FSTL5: variants seen among roughly 807,000 people sequenced by gnomAD.
FSTL5 encodes follistatin-related protein 5.
In FSTL5, 62 loss-of-function variants were observed where a neutral mutation model predicts 89.1. The ratio of observed to expected loss-of-function variants is 0.70; its 90% CI spans 0.57 to 0.86. FSTL5 has a LOEUF of 0.86. Among genes scored for constraint, FSTL5 ranks in the 40% least tolerant of loss-of-function variants. FSTL5 has a pLI of 0.00. For missense variants in FSTL5, 1,057 were observed against 1,001.6 expected (o/e 1.06, Z -0.75); for synonymous variants, 383 against 346.2 (o/e 1.11, Z -1.18).
intron 3 of FSTL5, among the ~76,000 whole-genome samples, chr4:161,982,839 G>C (rs1235343717): frequency 6.6e-5 from 10 of 151,988 alleles, no homozygotes; most frequent in Non-Finnish European, 1.3e-4. Context: ...TTATTCTTTC[G>C]AAGTTAAGAT....
At chr4:161,690,456 T>A (rs1011804212) in intron 6 of FSTL5, among the ~76,000 whole-genome samples, 2 of 152,110 alleles carry the variant, frequency 1.3e-5, no homozygotes, top group African/African-American at 4.8e-5. Context: ...CATGTCTTCT[T>A]TGGGTAAATT....
chr4:161,925,724 T>C (rs1001018417), intron 3 of FSTL5, among the ~76,000 whole-genome samples: 1 of 151,850 alleles, frequency 6.6e-6, no homozygotes, highest in Non-Finnish European at 1.5e-5. Flanking sequence ...TATTACAGAT[T>C]TGGTACATAG....
At chr4:161,682,905 C>A (rs1443669074) in intron 6 of FSTL5, among the ~76,000 whole-genome samples, 1 of 152,050 alleles carries the variant, frequency 6.6e-6, no homozygotes, top group African/African-American at 2.4e-5. Context: ...CACCACCACA[C>A]CTAGCTAATT....
Position 162,154,053 on chromosome 4 carries a change from C to T in FSTL5, c.-17+9562G>A, listed in dbSNP as rs190350153. ...AACTCCTGATCTCGGGTGATCCACT[C>T]GCTTCGGCCTCCCAAAGTGCTGGGA... On this transcript the variant is annotated intron_variant, in intron 1 of 15. Transcript: ENST00000306100. Among the ~76,000 whole-genome samples the T allele has an allele frequency of 4.6e-5, 7 of 151,886 alleles. No homozygotes were observed. In the East Asian group the frequency reaches 9.7e-4, roughly 21 times the overall value.
Position 161,944,681 on chromosome 4 carries a change from G to A in FSTL5, c.161-24029C>T, listed in dbSNP as rs1245162814. ...CTCAATATCTTTATCACAGTAACAT[G>A]TATCATACATACATTTAAAGTAATT... On this transcript the variant is annotated intron_variant, in intron 3 of 15. Coordinates refer to ENST00000306100, the MANE Select transcript of FSTL5 (RefSeq NM_020116.5). Among the ~76,000 whole-genome samples, 2 of 151,566 alleles carry A rather than the reference G, an allele frequency of 1.3e-5. 1 individual carries two copies. Among genetic ancestry groups the A allele is most frequent in the Non-Finnish European group, 2.9e-5 (2 of 67,832 alleles).
At chr4:161,861,452 G>C (rs552195701) in intron 4 of FSTL5, among the ~76,000 whole-genome samples, 3 of 151,846 alleles carry the variant, frequency 2.0e-5, no homozygotes, top group South Asian at 2.1e-4. Context: ...AAGAAAGAAA[G>C]AGAAAGAAGG....
rs1730743489 is a variant in FSTL5, at chr4:162,096,159, C to G, written c.126+15112G>C. On this transcript the variant is annotated intron_variant, in intron 2 of 15. Transcript: ENST00000306100. ...CGCTTCCAAATATTTAATTTGCTAT[C>G]CTGAAAAAAATTTTTGAATCATCCT... Among the ~76,000 whole-genome samples the G allele has an allele frequency of 2.0e-5, 3 of 151,722 alleles. No individual in the cohort carries two copies. The South Asian group carries it at 6.2e-4, about 31-fold the overall frequency.
chr4:161,614,630 C>A (rs1262934177), intron 7 of FSTL5, among the ~76,000 whole-genome samples: 2 of 152,124 alleles, frequency 1.3e-5, no homozygotes, highest in African/African-American at 2.4e-5. Context: ...ATGATACATG[C>A]ACATGAGGTC....
At chr4:161,949,579 C>T (rs1734833792) in intron 3 of FSTL5, among the ~76,000 whole-genome samples, 1 of 151,814 alleles carries the variant, frequency 6.6e-6, no homozygotes, top group Non-Finnish European at 1.5e-5. Flanking sequence ...CCTTTCTTTC[C>T]TCCTTTTTGA....
intron 7 of FSTL5, among the ~76,000 whole-genome samples, chr4:161,592,188 T>C (rs1430528370): frequency 6.6e-6 from 1 of 152,164 alleles, no homozygotes; most frequent in Non-Finnish European, 1.5e-5. Context: ...TTGTGAAACA[T>C]GTCAACCCCT....
At chr4:162,102,820 C>T (rs1036545261) in intron 2 of FSTL5, among the ~76,000 whole-genome samples, 9 of 144,188 alleles carry the variant, frequency 6.2e-5, no homozygotes, top group Admixed American at 5.6e-4. Context: ...ACAAGCTTGG[C>T]TTTAATATAC....
At chr4:161,408,204 T>C (rs1731456927) in intron 15 of FSTL5, among the ~76,000 whole-genome samples, 1 of 152,130 alleles carries the variant, frequency 6.6e-6, no homozygotes, top group Non-Finnish European at 1.5e-5. Context: ...GAACACAACT[T>C]CAAATGCAAA....
intron 4 of FSTL5, among the ~76,000 whole-genome samples, chr4:161,881,413 T>G (rs1170618897): frequency 6.6e-6 from 1 of 151,908 alleles, no homozygotes; most frequent in African/African-American, 2.4e-5. Context: ...TTTAAGAACA[T>G]GGCAAACTAA....
chr4:162,040,508 G>A (rs1279272851), intron 2 of FSTL5, among the ~76,000 whole-genome samples: 4 of 151,822 alleles, frequency 2.6e-5, no homozygotes, highest in Non-Finnish European at 4.4e-5. Flanking sequence ...TTTGGCGGTG[G>A]CAATTAAATT....
intron 1 of FSTL5, among the ~76,000 whole-genome samples, chr4:162,128,156 T>A (rs557176559): frequency 9.2e-4 from 140 of 152,328 alleles, no homozygotes; most frequent in African/African-American, 3.2e-3. Context: ...ATCAGCATGA[T>A]GAACTAAACT....
chr4:162,058,671 T>G (rs564027780), intron 2 of FSTL5, among the ~76,000 whole-genome samples: 1 of 152,142 alleles, frequency 6.6e-6, no homozygotes, highest in South Asian at 2.1e-4. Context: ...TCAAGTGATA[T>G]GTCTGCCTCG....
intron 10 of FSTL5, among the ~76,000 whole-genome samples, chr4:161,519,254 T>G (rs115264315): frequency 0.025 from 3,781 of 152,204 alleles, 72 homozygotes; most frequent in Non-Finnish European, 0.04. Context: ...TAGAGTGGCA[T>G]GGTGGCTCAT....
At position 161,801,723 on chromosome 4, in the gene FSTL5, C is replaced by CATAATA. The variant is rs536030368; in HGVS notation, c.410-25655_410-25650dup. 4.1e-3 allele frequency among the ~76,000 whole-genome samples: 620 copies of CATAATA among 150,384 alleles called. 6 individuals are homozygous for CATAATA. The highest frequency in any genetic ancestry group is 0.014 in the African/African-American group (569 of 41,228). ...ATAAGTATCTTATCTAGCTAATACA[C>CATAATA]ATAATAATAATAATAATAAAGCTTT... On this transcript the variant is annotated intron_variant, in intron 4 of 15. Coordinates refer to ENST00000306100, the MANE Select transcript of FSTL5 (RefSeq NM_020116.5).
chr4:161,654,075 T>C (rs1443553072), intron 7 of FSTL5, among the ~76,000 whole-genome samples: 6 of 152,268 alleles, frequency 3.9e-5, no homozygotes, highest in East Asian at 3.9e-4. Flanking sequence ...TATCTTATAT[T>C]TATGTATATT....
Sources: gnomAD v4.1 joint callset for allele counts (sites outside exome capture counted in the v4.1 genomes callset) on GRCh38, gnomAD v4.1.1 for gene constraint, MANE v1.5 for transcripts, NCBI Gene and HGNC (gene_info 2026-07-23, HGNC 2026-07-21) for gene names.